PTPN5: variants seen among roughly 807,000 people sequenced by gnomAD.
PTPN5 encodes the protein protein tyrosine phosphatase non-receptor type 5.
In PTPN5, 29 loss-of-function variants were observed where a neutral mutation model predicts 73.9. The observed-to-expected ratio is 0.39, with a 90% CI of 0.29 to 0.54. PTPN5 has a LOEUF of 0.54. PTPN5 is among the 20% of genes least tolerant of loss of function. The probability of loss-of-function intolerance (pLI) is 0.65; values close to 1 mark genes in which losing one functional copy is unlikely to be tolerated. For missense variants in PTPN5, 652 were observed against 751.4 expected (o/e 0.87, Z 1.55); for synonymous variants, 267 against 304.7 (o/e 0.88, Z 1.29).
intron 3 of PTPN5, among the ~76,000 whole-genome samples, chr11:18,764,238 A>G (rs1198371149): frequency 3.3e-5 from 5 of 152,164 alleles, no homozygotes; most frequent in Admixed American, 3.3e-4. Flanking sequence ...AGAGTCAGAG[A>G]GTTCTGCGTC....
At chr11:18,743,100 C>T in intron 5 of PTPN5, 25 bp from the exon 6 acceptor site, 1 of 1,508,410 alleles carries the variant, frequency 6.6e-7, no homozygotes, top group Non-Finnish European at 9.0e-7. Flanking sequence ...ATAAACAGGT[C>T]AGGGTGGTGG....
At chr11:18,775,498 C>T (rs900828966) in intron 1 of PTPN5, among the ~76,000 whole-genome samples, 3 of 152,182 alleles carry the variant, frequency 2.0e-5, no homozygotes, top group Non-Finnish European at 4.4e-5. Flanking sequence ...GGAAGTCCTG[C>T]GCGGGACCAC....
intron 1 of PTPN5, among the ~76,000 whole-genome samples, chr11:18,785,002 C>CCT: frequency 2.0e-5 from 3 of 151,936 alleles, no homozygotes; most frequent in African/African-American, 4.8e-5. Context: ...TGCAGGTGTG[C>CCT]GCCACCATGC....
In PTPN5 at chr11:18,733,282, G is replaced by C. The variant is rs778115185; in HGVS notation, c.1171C>G (p.His391Asp). 3.7e-6 allele frequency: 6 copies of C among 1,614,032 alleles called. No homozygotes were observed. The highest frequency in any genetic ancestry group is 3.4e-6 in the Non-Finnish European group (4 of 1,180,004). Residue 391 changes from histidine to aspartate, a missense_variant, in exon 11 of 15, where the codon CAC becomes GAC. Around this residue, in one of 3 missense-constraint regions of PTPN5, gnomAD observed 529 missense variants for 573.9 expected, o/e 0.92. Coordinates refer to ENST00000358540, the MANE Select transcript of PTPN5 (RefSeq NM_006906.2). The surrounding 1 kb of genome is among the most constrained non-coding windows in gnomAD (Gnocchi z 4.3). ...ADFWRMVWQE[H>D]TPIIVMITNI... Reference sequence around the variant, plus strand: ...GTGATCATGACAATGATGGGCGTGTGCTCCTGCCACACCATGCGCCAGAAG... The same window carrying C: ...GTGATCATGACAATGATGGGCGTGTCCTCCTGCCACACCATGCGCCAGAAG...
rs1180507794 is a variant in PTPN5 at position 18,749,434 on chromosome 11, T to TA, written c.98-5236dup. 3 of 498,376 alleles carry TA rather than the reference T, an allele frequency of 6.0e-6. No individual in the cohort carries two copies. In the African/African-American group the frequency reaches 6.8e-5, roughly 11 times the overall value. The allele number at this position is 498,376 out of a possible 1,614,324, so 30.9% of individuals were successfully genotyped here. ...TCCATTTTGCCATGCCGCTTCTCAG[T>TA]AAAGGGTCACTGCAGCAAGGCAGGG... On this transcript the variant is annotated intron_variant, in intron 3 of 14. Coordinates refer to ENST00000358540, the MANE Select transcript of PTPN5 (RefSeq NM_006906.2).
Position 18,772,052 on chromosome 11 carries a change from G to A in PTPN5, c.-94C>T. 2.2e-6 allele frequency: 2 copies of A among 923,810 alleles called. No individual in the cohort carries two copies. The highest frequency in any genetic ancestry group is 1.7e-5 in the South Asian group (1 of 58,680). 57.2% of individuals were successfully genotyped at this position (923,810 alleles called of 1,614,324 possible). A position where few individuals can be genotyped will look rare whatever the true frequency, so the allele number is the denominator to read the frequency against. ...CTGGTGATATAAATGAAGGAGAGAG[G>A]GCAGCTTCAGATCATCCAGCTGGGA... On this transcript the variant is annotated 5_prime_UTR_variant, in exon 2 of 15. Coordinates refer to ENST00000358540, the MANE Select transcript of PTPN5 (RefSeq NM_006906.2).
Position 18,740,745 on chromosome 11 carries a change from C to G in PTPN5, c.773G>C (p.Cys258Ser). Reference sequence around the variant, plus strand: ...GAGATAGCCAAAGCCCTCCTCGTTGCAGCCCGGAGTGCACATGTCCAGGGT... The same window carrying G: ...GAGATAGCCAAAGCCCTCCTCGTTGGAGCCCGGAGTGCACATGTCCAGGGT... ...SLTLDMCTPG[C>S]NEEGFGYLMS... The change falls in exon 8 of 15, where the codon TGC (cysteine) becomes TCC (serine). Residue 258 changes from cysteine to serine, a missense_variant. By Grantham distance (112) the Cys-to-Ser change is moderately radical. Coordinates refer to ENST00000358540, the MANE Select transcript of PTPN5 (RefSeq NM_006906.2). 6.3e-7 allele frequency: 1 copy of G among 1,596,886 alleles called. No individual in the cohort carries two copies. The highest frequency in any genetic ancestry group is 8.5e-7 in the Non-Finnish European group (1 of 1,170,222).
rs541778579 is a variant in PTPN5, at chr11:18,739,440, G to C, written c.915+1163C>G. ...GGAGGAGAAAGGCACGGACGAGACTGGCCCAGTTTGAAGTGGACAGTCCCT... is the reference window on the plus strand; with the variant it reads ...GGAGGAGAAAGGCACGGACGAGACTCGCCCAGTTTGAAGTGGACAGTCCCT... On this transcript the variant is annotated intron_variant, in intron 8 of 14. Transcript: ENST00000358540. Among the ~76,000 whole-genome samples, 19 of 152,336 alleles carry C rather than the reference G, an allele frequency of 1.2e-4. No homozygotes were observed. The East Asian group carries it at 3.7e-3, about 29-fold the overall frequency.
At chr11:18,752,026 T>A (rs978569665) in intron 3 of PTPN5, among the ~76,000 whole-genome samples, 1 of 151,904 alleles carries the variant, frequency 6.6e-6, no homozygotes, top group Non-Finnish European at 1.5e-5. Context: ...AGGACAGGAG[T>A]TCGAGACCAG....
chr11:18,744,147 C>T lies in PTPN5; in HGVS notation c.150G>A (p.Gln50=). Residue 50 remains glutamine, a synonymous_variant, in exon 4 of 15, where the codon CAG becomes CAA. Transcript: ENST00000358540. ...GTGGCGGCATCTCTCTCTGTGAGTCCTGGAGCCCTTCAGCCTCGTCCAGTG... is the reference window on the plus strand; with the variant it reads ...GTGGCGGCATCTCTCTCTGTGAGTCTTGGAGCCCTTCAGCCTCGTCCAGTG... ...MEALDEAEGL[Q]DSQREMPPPP... The T allele has an allele frequency of 6.2e-7, 1 of 1,602,448 alleles. No homozygotes were observed. Among genetic ancestry groups the T allele is most frequent in the Non-Finnish European group, 8.5e-7 (1 of 1,175,386 alleles).
intron 3 of PTPN5, among the ~76,000 whole-genome samples, chr11:18,756,936 A>AG (rs398015459): frequency 3.3e-5 from 4 of 120,912 alleles, no homozygotes; most frequent in Non-Finnish European, 7.7e-5. Flanking sequence ...AAAAAAAAAA[A>AG]CCAAAAAACA....
At position 18,732,713 on chromosome 11, in the gene PTPN5, C is replaced by T. The variant is rs1848941266; in HGVS notation, c.1219-11G>A. On this transcript the variant is annotated splice_polypyrimidine_tract_variant and intron_variant, in intron 11 of 14. Coordinates refer to ENST00000358540, the MANE Select transcript of PTPN5 (RefSeq NM_006906.2). ...ATACTCGGTGCATTTCTGCAGGGGCCCAGATCAGGCTGCCATACAATCCTG... is the reference window on the plus strand; with the variant it reads ...ATACTCGGTGCATTTCTGCAGGGGCTCAGATCAGGCTGCCATACAATCCTG... The T allele has an allele frequency of 6.2e-7, 1 of 1,607,752 alleles. No individual in the cohort carries two copies. Among genetic ancestry groups the T allele is most frequent in the Non-Finnish European group, 8.5e-7 (1 of 1,175,012 alleles).
chr11:18,729,904 GAGGAAGAACAC>G lies in PTPN5; in HGVS notation c.1330-97_1330-87del, dbSNP rs771794942. On this transcript the variant is annotated intron_variant, in intron 12 of 14. Coordinates refer to ENST00000358540, the MANE Select transcript of PTPN5 (RefSeq NM_006906.2). This position sits in a 1 kb window ranked among gnomAD's most constrained non-coding sequence, Gnocchi z 5.2. ...CCCAGAGATAGAGATGAGATGGAAGGAGGAAGAACACAGGAAGAACACTGAGAGTGGGACCC... is the reference window on the plus strand; with the variant it reads ...CCCAGAGATAGAGATGAGATGGAAGGAGGAAGAACACTGAGAGTGGGACCC... The G allele has an allele frequency of 1.4e-5, 22 of 1,546,998 alleles. No homozygotes were observed. The highest frequency in any genetic ancestry group is 1.4e-4 in the African/African-American group (10 of 73,562).
Position 18,728,649 on chromosome 11 carries a change from C to A in PTPN5, c.*285G>T, listed in dbSNP as rs1848731160. The stretch of plus-strand genomic sequence containing the variant: ...CATTCTGGATCAGGTATTGATGGAA[C>A]CATCGTTAAAAACTGGAGCCCGGGG... On this transcript the variant is annotated 3_prime_UTR_variant, in exon 15 of 15. Coordinates refer to ENST00000358540, the MANE Select transcript of PTPN5 (RefSeq NM_006906.2). The surrounding 1 kb of genome is among the most constrained non-coding windows in gnomAD (Gnocchi z 4.1). 1 of 373,538 alleles carries A rather than the reference C, an allele frequency of 2.7e-6. No individual in the cohort carries two copies. The allele number at this position is 373,538 out of a possible 1,614,324, so 23.1% of individuals were successfully genotyped here.
chr11:18,768,731 T>C (rs1017808679), intron 2 of PTPN5, among the ~76,000 whole-genome samples: 1 of 152,228 alleles, frequency 6.6e-6, no homozygotes, highest in Non-Finnish European at 1.5e-5. Context: ...TGCTCTTCCC[T>C]GTAGTCGAAG....
intron 3 of PTPN5, among the ~76,000 whole-genome samples, chr11:18,748,491 T>G (rs1242853498): frequency 6.6e-6 from 1 of 152,168 alleles, no homozygotes; most frequent in Admixed American, 6.6e-5. Context: ...TAGATGTACA[T>G]CTTTCAGAGC....
chr11:18,789,233 T>C (rs1851804503), intron 1 of PTPN5, among the ~76,000 whole-genome samples: 1 of 152,180 alleles, frequency 6.6e-6, no homozygotes. Context: ...CTGTACTAAG[T>C]ACTCTACATA....
intron 1 of PTPN5, among the ~76,000 whole-genome samples, chr11:18,782,085 G>A (rs930487174): frequency 6.6e-6 from 1 of 152,244 alleles, no homozygotes; most frequent in Non-Finnish European, 1.5e-5. Flanking sequence ...ATCAGCCTAA[G>A]ACACACTAAC....
At chr11:18,732,741 C>CAGGGG in intron 11 of PTPN5, 39 bp from the exon 12 acceptor site, 1 of 1,538,088 alleles carries the variant, frequency 6.5e-7, no homozygotes, top group South Asian at 1.1e-5. Context: ...CAATCCTGTT[C>CAGGGG]CCTTCCCACA....
Sources: gnomAD v4.1 joint callset for allele counts (sites outside exome capture counted in the v4.1 genomes callset) on GRCh38, gnomAD v4.1.1 for gene constraint, gnomAD v4.1.1 regional missense constraint, Gnocchi (gnomAD v3.1) non-coding constraint, MANE v1.5 for transcripts, NCBI Gene and HGNC (gene_info 2026-07-23, HGNC 2026-07-21) for gene names.